The following ACOT7 variants were observed in gnomAD, a reference collection of about 807,000 sequenced individuals.
The protein encoded by ACOT7 is acyl-CoA thioesterase 7, also known as cytosolic acyl coenzyme A thioester hydrolase.
Under a neutral mutation model 40.2 loss-of-function variants are expected in ACOT7, and 12 were observed. That is an observed-to-expected ratio of 0.30 (90% CI 0.19 to 0.48). ACOT7 has a LOEUF of 0.48. Among genes scored for constraint, ACOT7 ranks in the 20% least tolerant of loss-of-function variants. The probability of loss-of-function intolerance (pLI) is 0.99; values close to 1 mark genes in which losing one functional copy is unlikely to be tolerated. For missense variants in ACOT7, 395 were observed against 530.8 expected, an observed-to-expected ratio of 0.74 and a Z score of 2.51; for synonymous variants, 228 against 219.5, an observed-to-expected ratio of 1.04 and a Z score of -0.34.
intron 1 of ACOT7, among the ~76,000 whole-genome samples, chr1:6,378,850 C>G (rs1028573378): frequency 1.3e-5 from 2 of 151,786 alleles, no homozygotes; most frequent in Non-Finnish European, 1.5e-5. Context: ...CGTGGCCTGC[C>G]CCTGAGAAGT....
intron 3 of ACOT7, among the ~76,000 whole-genome samples, chr1:6,337,588 G>T (rs1162393113): frequency 1.3e-5 from 2 of 152,152 alleles, no homozygotes; most frequent in Non-Finnish European, 2.9e-5. Flanking sequence ...CTGACCTTTG[G>T]CCTGCATCAC....
chr1:6,344,356 T>C (rs543733918), intron 2 of ACOT7, among the ~76,000 whole-genome samples: 2 of 152,188 alleles, frequency 1.3e-5, no homozygotes, highest in Non-Finnish European at 2.9e-5. Context: ...AACCATCCAG[T>C]AGCCTTCCCC....
intron 8 of ACOT7, among the ~76,000 whole-genome samples, chr1:6,271,360 T>C (rs1165715997): frequency 6.6e-6 from 1 of 152,114 alleles, no homozygotes; most frequent in African/African-American, 2.4e-5. Context: ...ACACAGACCT[T>C]CTTAATTAGG....
chr1:6,295,202 A>C (rs1316473563), intron 6 of ACOT7: 2 of 472,354 alleles, frequency 4.2e-6, no homozygotes, highest in Admixed American at 3.8e-5. Flanking sequence ...TGATATGCCA[A>C]GCCACTAACA....
chr1:6,325,999 A>C (rs1296068120), intron 5 of ACOT7, among the ~76,000 whole-genome samples: 2 of 152,150 alleles, frequency 1.3e-5, no homozygotes, highest in Non-Finnish European at 2.9e-5. Flanking sequence ...TGGAGGCAAA[A>C]CAGAGAAAGC....
chr1:6,319,304 T>C (rs957775178), intron 5 of ACOT7, among the ~76,000 whole-genome samples: 4 of 152,222 alleles, frequency 2.6e-5, no homozygotes, highest in Non-Finnish European at 5.9e-5. Flanking sequence ...GCAATTCTTG[T>C]GCCTCAGCCT....
intron 5 of ACOT7, among the ~76,000 whole-genome samples, chr1:6,325,934 C>T (rs991396962): frequency 2.6e-5 from 4 of 152,152 alleles, no homozygotes; most frequent in African/African-American, 9.7e-5. Flanking sequence ...ACATCACAGG[C>T]ACATCCAAGG....
chr1:6,348,552 G>A lies in ACOT7; in HGVS notation c.261+1197C>T, dbSNP rs376410501. ...ATGGGGACAGAGCCCTCACAAATGG[G>A]ATTAGTGTCCTTATAAAAGGGCCTG... On this transcript the variant is annotated intron_variant, in intron 2 of 8. Transcript: ENST00000361521. Among the ~76,000 whole-genome samples, 19 of 152,278 alleles carry A rather than the reference G, an allele frequency of 1.2e-4. No homozygotes were observed. In the South Asian group the frequency reaches 3.9e-3, roughly 32 times the overall value.
At chr1:6,318,394 A>G in intron 6 of ACOT7, 98 bp downstream of exon 6, 1 of 1,340,948 alleles carries the variant, frequency 7.5e-7, no homozygotes, top group South Asian at 1.3e-5. Context: ...TTCACCAAAC[A>G]CAAGAGCCTC....
chr1:6,354,209 T>C (rs1641674594), intron 1 of ACOT7, among the ~76,000 whole-genome samples: 1 of 152,084 alleles, frequency 6.6e-6, no homozygotes. Flanking sequence ...ACAAGGGCTC[T>C]GAGGAAGCTG....
chr1:6,272,044 A>G (rs1020967299), intron 8 of ACOT7, among the ~76,000 whole-genome samples: 5 of 152,216 alleles, frequency 3.3e-5, no homozygotes, highest in Non-Finnish European at 7.4e-5. Flanking sequence ...CCCACCCTAC[A>G]ACACCAATAA....
At chr1:6,371,997 A>G (rs1642141633) in intron 1 of ACOT7, among the ~76,000 whole-genome samples, 2 of 151,552 alleles carry the variant, frequency 1.3e-5, no homozygotes, top group South Asian at 4.2e-4. Flanking sequence ...GTGAGCCGAG[A>G]TTGCACCACT....
Position 6,345,663 on chromosome 1 carries a change from C to A in ACOT7, c.261+4086G>T, listed in dbSNP as rs1041251703. 4.6e-5 allele frequency among the ~76,000 whole-genome samples: 7 copies of A among 152,222 alleles called. No individual in the cohort carries two copies. In the East Asian group the frequency reaches 1.2e-3, roughly 25 times the overall value. On this transcript the variant is annotated intron_variant, in intron 2 of 8. Transcript: ENST00000361521. ...ATCCAGTGAGGGCCCAGAGAGGGTGCGGTCTCATCACCATGCCCAGCCCCG... is the reference window on the plus strand; with the variant it reads ...ATCCAGTGAGGGCCCAGAGAGGGTGAGGTCTCATCACCATGCCCAGCCCCG...
Position 6,275,410 on chromosome 1 carries a change from T to C in ACOT7, c.1014+5692A>G, listed in dbSNP as rs913280689. On this transcript the variant is annotated intron_variant, in intron 8 of 8. Coordinates refer to ENST00000361521, the MANE Select transcript of ACOT7 (RefSeq NM_007274.4). The surrounding 1 kb of genome is among the most constrained non-coding windows in gnomAD (Gnocchi z 5.6). ...TTCTTGGAACTCCCCTGGCTATGCA[T>C]GAGGCAGCTCTGAAAGGCAAGGTAA... Among the ~76,000 whole-genome samples the C allele has an allele frequency of 1.3e-5, 2 of 152,134 alleles. No individual in the cohort carries two copies. The highest frequency in any genetic ancestry group is 2.9e-5 in the Non-Finnish European group (2 of 68,012).
chr1:6,269,499 G>A (rs1638962072), intron 8 of ACOT7, among the ~76,000 whole-genome samples: 1 of 152,246 alleles, frequency 6.6e-6, no homozygotes, highest in South Asian at 2.1e-4. Flanking sequence ...CAATGCCACA[G>A]GCCGAGGGCT....
At chr1:6,354,666 C>G (rs1421751538) in intron 1 of ACOT7, among the ~76,000 whole-genome samples, 5 of 131,390 alleles carry the variant, frequency 3.8e-5, no homozygotes, top group Non-Finnish European at 8.1e-5. Context: ...CCCCCGTGGC[C>G]GCTGCACTGG....
chr1:6,375,718 C>T (rs1557672780), intron 1 of ACOT7, among the ~76,000 whole-genome samples: 1 of 151,518 alleles, frequency 6.6e-6, no homozygotes, highest in African/African-American at 2.4e-5. Context: ...GGGTGGATCA[C>T]GAGGTCAGGA....
chr1:6,385,729 C>T, intron 1 of ACOT7: 3 of 1,544,592 alleles, frequency 1.9e-6, no homozygotes, highest in Non-Finnish European at 2.6e-6. Context: ...GAGCCCAAGC[C>T]TGTGTCTGCC....
intron 5 of ACOT7, among the ~76,000 whole-genome samples, chr1:6,322,504 G>T (rs1365464584): frequency 6.6e-6 from 1 of 152,240 alleles, no homozygotes; most frequent in African/African-American, 2.4e-5. Flanking sequence ...GGCGCCTTAA[G>T]CGGCAGAAAT....
Sources: gnomAD v4.1 joint callset for allele counts (sites outside exome capture counted in the v4.1 genomes callset) on GRCh38, gnomAD v4.1.1 for gene constraint, Gnocchi (gnomAD v3.1) non-coding constraint, MANE v1.5 for transcripts, NCBI Gene and HGNC (gene_info 2026-07-23, HGNC 2026-07-21) for gene names.